The following CDH23 variants were observed in gnomAD, a reference collection of about 807,000 sequenced individuals.
CDH23 encodes cadherin-23.
In CDH23, 189 loss-of-function variants were observed where a neutral mutation model predicts 317.1. The ratio of observed to expected loss-of-function variants is 0.60; its 90% confidence interval spans 0.53 to 0.67. CDH23 has a LOEUF of 0.67. Among genes scored for constraint, CDH23 ranks in the 30% least tolerant of loss-of-function variants. The pLI, the probability that CDH23 is intolerant of heterozygous loss-of-function variation, is 0.00. For synonymous variants in CDH23, 1,839 were observed against 1,876.8 expected (o/e 0.98, Z 0.52); for missense variants, 4,401 against 4,592.4 (o/e 0.96, Z 1.20).
rs1469810275 is a variant in CDH23 at position 71,784,161 on chromosome 10, A to G, written c.5369-126A>G. On this transcript the variant is annotated intron_variant, in intron 41 of 69. Coordinates refer to ENST00000224721, the MANE Select transcript of CDH23 (RefSeq NM_022124.6). Reference sequence around the variant, plus strand: ...GATCTGAAGCTGGGGTCACTGGAGGACCCGGGCCCCAGCTGTCCCCCACCT... The same window carrying G: ...GATCTGAAGCTGGGGTCACTGGAGGGCCCGGGCCCCAGCTGTCCCCCACCT... The G allele has an allele frequency of 6.3e-6, 6 of 957,938 alleles. No homozygotes were observed. The East Asian group carries it at 1.6e-4, about 26-fold the overall frequency. The allele number at this position is 957,938 out of a possible 1,614,324, so 59.3% of individuals were successfully genotyped here.
In CDH23 at chr10:71,495,627, G is replaced by A. The variant is rs1220023274; in HGVS notation, c.146-14455G>A. ...GTGGGAGGATTGCTTGAGCCCAGGA[G>A]TTTGAACCCAGCCTGGGCAACACAA... On this transcript the variant is annotated intron_variant, in intron 3 of 69. Transcript: ENST00000224721. Among the ~76,000 whole-genome samples, 5 of 151,822 alleles carry A rather than the reference G, an allele frequency of 3.3e-5. No homozygotes were observed. The East Asian group carries it at 9.7e-4, about 29-fold the overall frequency.
At chr10:71,812,979 C>G in intron 68 of CDH23, 89 bp downstream of exon 68, 1 of 1,552,906 alleles carries the variant, frequency 6.4e-7, no homozygotes, top group African/African-American at 1.4e-5. Flanking sequence ...GACCTCCAGG[C>G]TCAGCTAGAC....
At chr10:71,796,352 G>A (rs1197100843) in intron 48 of CDH23, among the ~76,000 whole-genome samples, 1 of 152,196 alleles carries the variant, frequency 6.6e-6, no homozygotes, top group Non-Finnish European at 1.5e-5. Context: ...TGGGGAGCAG[G>A]CAGGGACTCT....
intron 1 of CDH23, among the ~76,000 whole-genome samples, chr10:71,433,068 G>A (rs1426208574): frequency 3.3e-5 from 5 of 152,204 alleles, no homozygotes; most frequent in African/African-American, 4.8e-5. Context: ...ATGTCAACAC[G>A]TTGAATGCTT....
rs58339343 is a variant in CDH23 at position 71,724,291 on chromosome 10, T to C, written c.3430+186T>C. On this transcript the variant is annotated intron_variant, in intron 29 of 69. Transcript: ENST00000224721. ...CACACCAGGTGGGTGAGGGGGAAGC[T>C]TTTTTGATTATTTGTTTTTGAGACG... is the stretch of plus-strand genomic sequence containing the variant. Among the ~76,000 whole-genome samples the C allele has an allele frequency of 0.022, 3,296 of 152,260 alleles. 129 individuals carry two copies. Among genetic ancestry groups the C allele is most frequent in the African/African-American group, 0.075 (3,131 of 41,542 alleles).
At chr10:71,726,018 CA>C (rs1866793450) in intron 30 of CDH23, among the ~76,000 whole-genome samples, 1 of 152,160 alleles carries the variant, frequency 6.6e-6, no homozygotes, top group African/African-American at 2.4e-5. Context: ...GCTGCCTCAT[CA>C]AATGTATTCT....
intron 11 of CDH23, among the ~76,000 whole-genome samples, chr10:71,642,609 A>T (rs1159230163): frequency 6.6e-6 from 1 of 151,834 alleles, no homozygotes; most frequent in East Asian, 1.9e-4. Flanking sequence ...CATGTTGGCC[A>T]GGCTGGTCTC....
At chr10:71,569,360 G>A (rs992168898) in intron 7 of CDH23, among the ~76,000 whole-genome samples, 2 of 152,216 alleles carry the variant, frequency 1.3e-5, no homozygotes, top group Non-Finnish European at 2.9e-5. Flanking sequence ...GGAACTCCAG[G>A]AATGCCTTGC....
At chr10:71,430,396 G>A (rs1849316243) in intron 1 of CDH23, among the ~76,000 whole-genome samples, 1 of 152,136 alleles carries the variant, frequency 6.6e-6, no homozygotes, top group Non-Finnish European at 1.5e-5. Context: ...ACCCTCTTTG[G>A]AGGGCAGTTT....
chr10:71,653,871 G>C (rs1447287915), intron 14 of CDH23, among the ~76,000 whole-genome samples: 1 of 152,190 alleles, frequency 6.6e-6, no homozygotes. Context: ...GTATTAGAAG[G>C]CACTGGGTAA....
At chr10:71,802,429 TG>T (rs1171019879) in intron 53 of CDH23, among the ~76,000 whole-genome samples, 1 of 152,106 alleles carries the variant, frequency 6.6e-6, no homozygotes, top group Admixed American at 6.5e-5. Flanking sequence ...TGCCCTGGGC[TG>T]GGGGGTCAGC....
intron 38 of CDH23, among the ~76,000 whole-genome samples, chr10:71,753,437 G>A (rs532964169): frequency 5.3e-5 from 8 of 152,336 alleles, no homozygotes; most frequent in Non-Finnish European, 1.0e-4. Context: ...ATGACTTACT[G>A]GGTGGGAGTG....
At chr10:71,446,174 A>C in intron 2 of CDH23, 144 bp from the exon 3 acceptor site, 1 of 754,888 alleles carries the variant, frequency 1.3e-6, no homozygotes, top group South Asian at 1.6e-5. Context: ...GAGGCAGGAT[A>C]GTGACTTCCA....
At chr10:71,478,291 C>G (rs999969647) in intron 3 of CDH23, among the ~76,000 whole-genome samples, 1 of 152,232 alleles carries the variant, frequency 6.6e-6, no homozygotes, top group Non-Finnish European at 1.5e-5. Flanking sequence ...GTATGGTTGA[C>G]CCCCTCCCTC....
At chr10:71,494,395 G>A (rs1276527135) in intron 3 of CDH23, among the ~76,000 whole-genome samples, 3 of 152,154 alleles carry the variant, frequency 2.0e-5, no homozygotes, top group Non-Finnish European at 4.4e-5. Flanking sequence ...ATCATCTGGG[G>A]CTGGTACTGG....
intron 1 of CDH23, among the ~76,000 whole-genome samples, chr10:71,414,733 C>A (rs1323568078): frequency 6.6e-6 from 1 of 151,916 alleles, no homozygotes; most frequent in East Asian, 1.9e-4. Context: ...ACTGTTCCTT[C>A]TTTTTCTGTT....
intron 1 of CDH23, among the ~76,000 whole-genome samples, chr10:71,398,138 C>T (rs1847610398): frequency 6.6e-6 from 1 of 152,220 alleles, no homozygotes; most frequent in South Asian, 2.1e-4. Flanking sequence ...GAGCGGGCAC[C>T]TAGAGAGGCT....
chr10:71,725,145 A>T (rs1433450174), intron 29 of CDH23, among the ~76,000 whole-genome samples: 1 of 152,216 alleles, frequency 6.6e-6, no homozygotes, highest in African/African-American at 2.4e-5. Context: ...AAAGAGCTGC[A>T]GGCCTTCCCG....
Position 71,704,925 on chromosome 10 carries a change from C to A in CDH23, c.2748C>A (p.Asp916Glu). 2.5e-6 allele frequency: 4 copies of A among 1,612,670 alleles called. No homozygotes were observed. Among genetic ancestry groups the A allele is most frequent in the Non-Finnish European group, 2.5e-6 (3 of 1,179,602 alleles). ...GVSIYQVVAIDLDEGLNGLVS... is the reference protein window; with the variant it reads ...GVSIYQVVAIELDEGLNGLVS... ...CTTGCCCTCAGGTGGTGGCCATCGA[C>A]CTCGATGAGGGCCTGAACGGCCTGG... The change falls in exon 25 of 70, where the codon GAC becomes GAA. Residue 916 changes from aspartate (D) to glutamate (E), a missense_variant. Physicochemically the swap from Asp to Glu is conservative, Grantham distance 45 (BLOSUM62 2). Around this residue, in one of 3 missense-constraint regions of CDH23, gnomAD observed 3,068 missense variants for 3,203.3 expected, o/e 0.96. Coordinates refer to ENST00000224721, the MANE Select transcript of CDH23 (RefSeq NM_022124.6).
Sources: allele counts gnomAD v4.1 joint callset (sites outside exome capture counted in the v4.1 genomes callset), GRCh38; gene constraint gnomAD v4.1.1; regional missense constraint gnomAD v4.1.1; transcripts MANE v1.5; gene names NCBI Gene and HGNC (gene_info 2026-07-23, HGNC 2026-07-21).